Variants in FREM1 observed in about 807,000 individuals in gnomAD.
FREM1 encodes the protein FRAS1 related extracellular matrix 1.
FREM1 carries 220 observed loss-of-function variants against 210.1 expected under a neutral mutation model. That is an observed-to-expected ratio of 1.05 (90% CI 0.94 to 1.17). The LOEUF is 1.17. Among genes scored for constraint, FREM1 ranks in the 50% most tolerant of loss-of-function variants. FREM1 has a pLI of 0.00. For missense variants in FREM1, 3,454 were observed against 2,675.5 expected, an observed-to-expected ratio of 1.29 and a Z score of -6.42; for synonymous variants, 1,189 against 980.2, an observed-to-expected ratio of 1.21 and a Z score of -3.98.
intron 16 of FREM1, among the ~76,000 whole-genome samples, chr9:14,810,763 A>G (rs1306726498): frequency 1.3e-5 from 2 of 152,244 alleles, no homozygotes; most frequent in Non-Finnish European, 2.9e-5. Context: ...CATATGTTAC[A>G]ACATAATTGC....
chr9:14,853,781 A>T (rs1035293863), intron 5 of FREM1, among the ~76,000 whole-genome samples: 1 of 152,252 alleles, frequency 6.6e-6, no homozygotes, highest in Non-Finnish European at 1.5e-5. Flanking sequence ...GGTTTAGAGT[A>T]TCTAATCTTC....
intron 18 of FREM1, among the ~76,000 whole-genome samples, chr9:14,806,414 C>A (rs995729324): frequency 2.0e-5 from 3 of 152,098 alleles, no homozygotes; most frequent in Non-Finnish European, 4.4e-5. Context: ...TGCCACCACA[C>A]CTGGCTAATT....
chr9:14,825,547 G>GTGTGTGTATATATATATATATA, intron 10 of FREM1, among the ~76,000 whole-genome samples: 210 of 75,818 alleles, frequency 2.8e-3, no homozygotes, highest in East Asian at 0.012. Flanking sequence ...GTGTGTGTGT[G>GTGTGTGTATATATATATATATA]TATATATATA....
chr9:14,857,486 T>TA (rs1185198860), intron 5 of FREM1, 67 bp downstream of exon 5: 1 of 1,314,236 alleles, frequency 7.6e-7, no homozygotes, highest in Non-Finnish European at 1.1e-6. Flanking sequence ...CGAGCATGAG[T>TA]AAGCCTGTGT....
At chr9:14,838,977 C>G (rs1825149224) in intron 10 of FREM1, among the ~76,000 whole-genome samples, 1 of 152,096 alleles carries the variant, frequency 6.6e-6, no homozygotes, top group Non-Finnish European at 1.5e-5. Context: ...GGGACTAAGA[C>G]AAAGTTACCA....
Position 14,746,908 on chromosome 9 carries a change from C to G in FREM1, c.6138+15G>C, listed in dbSNP as rs373482754. On this transcript the variant is annotated intron_variant, in intron 34 of 36. Transcript: ENST00000380880. ...TTGCGAATAAAGGTGCTTGGCTGCT[C>G]AGCCTGCCTCCTACCTTGGTTTGGG... The G allele has an allele frequency of 2.5e-6, 4 of 1,610,554 alleles. No homozygotes were observed. The highest frequency in any genetic ancestry group is 1.7e-5 in the Admixed American group (1 of 59,552).
intron 1 of FREM1, among the ~76,000 whole-genome samples, chr9:14,869,494 T>G (rs889961361): frequency 6.6e-6 from 1 of 152,250 alleles, no homozygotes; most frequent in East Asian, 1.9e-4. Flanking sequence ...CCAACCGGGA[T>G]GTCAACTGTG....
chr9:14,823,987 T>G (rs1821852899), intron 12 of FREM1, 38 bp downstream of exon 12: 13 of 1,322,668 alleles, frequency 9.8e-6, no homozygotes, highest in South Asian at 1.3e-5. Flanking sequence ...AGGGCACACT[T>G]GCATCATGTT....
intron 8 of FREM1, among the ~76,000 whole-genome samples, chr9:14,844,959 G>A (rs986213817): frequency 2.0e-5 from 3 of 152,212 alleles, no homozygotes; most frequent in Non-Finnish European, 2.9e-5. Context: ...GGTATACCCA[G>A]ATTTAAACTG....
chr9:14,772,849 T>G (rs1471785216), intron 25 of FREM1, among the ~76,000 whole-genome samples: 1 of 152,204 alleles, frequency 6.6e-6, no homozygotes, highest in Non-Finnish European at 1.5e-5. Flanking sequence ...AAATGAATAG[T>G]TGAATGTAGA....
intron 5 of FREM1, among the ~76,000 whole-genome samples, chr9:14,853,272 A>G (rs1828098201): frequency 6.6e-6 from 1 of 152,178 alleles, no homozygotes; most frequent in Non-Finnish European, 1.5e-5. Flanking sequence ...GGACATATAA[A>G]TGTTTCCAGT....
chr9:14,806,565 T>C, intron 18 of FREM1, 96 bp downstream of exon 18: 1 of 788,446 alleles, frequency 1.3e-6, no homozygotes, highest in Non-Finnish European at 2.1e-6. Flanking sequence ...TTTAAACATT[T>C]TGAAAGTCCT....
intron 5 of FREM1, among the ~76,000 whole-genome samples, chr9:14,852,174 T>A (rs1452875199): frequency 6.6e-6 from 1 of 152,222 alleles, no homozygotes; most frequent in Non-Finnish European, 1.5e-5. Context: ...TATGTCTTTA[T>A]GATTTGGTTC....
At chr9:14,882,041 GT>G (rs973515984) in intron 1 of FREM1, among the ~76,000 whole-genome samples, 1 of 152,154 alleles carries the variant, frequency 6.6e-6, no homozygotes, top group East Asian at 1.9e-4. Flanking sequence ...CACCATACCA[GT>G]CCATTCATCC....
chr9:14,860,838 TATATAC>T (rs1331043123), intron 3 of FREM1, among the ~76,000 whole-genome samples: 1 of 116,718 alleles, frequency 8.6e-6, no homozygotes, highest in South Asian at 2.5e-4. Context: ...TATATACGTA[TATATAC>T]ATATATACGT....
At chr9:14,816,176 C>T (rs1049184311) in intron 15 of FREM1, among the ~76,000 whole-genome samples, 15 of 152,226 alleles carry the variant, frequency 9.9e-5, no homozygotes, top group African/African-American at 2.6e-4. Flanking sequence ...ATAATTTATA[C>T]ATAGAATAAA....
chr9:14,793,952 A>C (rs1466924055), intron 21 of FREM1, among the ~76,000 whole-genome samples: 1 of 152,180 alleles, frequency 6.6e-6, no homozygotes, highest in Non-Finnish European at 1.5e-5. Context: ...AAGCTAAGCA[A>C]TCAGTTGGTT....
intron 1 of FREM1, among the ~76,000 whole-genome samples, chr9:14,887,179 C>G (rs1267115232): frequency 1.3e-5 from 2 of 152,212 alleles, no homozygotes; most frequent in South Asian, 4.2e-4. Flanking sequence ...GAAAGTGGTT[C>G]TCTTCTTTGT....
chr9:14,860,958 T>C lies in FREM1; in HGVS notation c.330-1474A>G, dbSNP rs865943553. Among the ~76,000 whole-genome samples the C allele has an allele frequency of 9.1e-3, 882 of 96,556 alleles. 138 individuals carry two copies. Among genetic ancestry groups the C allele is most frequent in the Non-Finnish European group, 0.015 (675 of 43,976 alleles). 63.3% of individuals were successfully genotyped at this position (96,556 alleles called of 152,430 possible). ...ATACACACATATACACATATACACATATATACACATATATACATATATACA... is the reference window on the plus strand; with the variant it reads ...ATACACACATATACACATATACACACATATACACATATATACATATATACA... On this transcript the variant is annotated intron_variant, in intron 3 of 36. Transcript: ENST00000380880.
Sources: allele counts gnomAD v4.1 joint callset (sites outside exome capture counted in the v4.1 genomes callset), GRCh38; gene constraint gnomAD v4.1.1; transcripts MANE v1.5; gene names NCBI Gene and HGNC (gene_info 2026-07-23, HGNC 2026-07-21).